ITPR1: variants seen among roughly 807,000 people sequenced by gnomAD.
ITPR1 encodes inositol 1,4,5-trisphosphate receptor type 1, also known as inositol 1,4,5-trisphosphate-gated calcium channel ITPR1.
Under a neutral mutation model 318.4 loss-of-function variants are expected in ITPR1, and 96 were observed. The ratio of observed to expected loss-of-function variants is 0.30; its 90% CI spans 0.26 to 0.36. The LOEUF is 0.36. Among genes scored for constraint, ITPR1 ranks in the 10% least tolerant of loss-of-function variants. The pLI is 1.00. For synonymous variants in ITPR1, 1,312 were observed against 1,289.9 expected (o/e 1.02, Z -0.37); for missense variants, 2,440 against 3,460.2 (o/e 0.71, Z 7.40).
chr3:4,712,009 CT>C, intron 39 of ITPR1, 141 bp downstream of exon 39: 1 of 522,188 alleles, frequency 1.9e-6, no homozygotes, highest in East Asian at 3.0e-5. Flanking sequence ...AAAGAAAAAG[CT>C]GTTTATCCTG....
intron 44 of ITPR1, among the ~76,000 whole-genome samples, chr3:4,754,393 A>C (rs995685447): frequency 1.3e-5 from 2 of 152,214 alleles, no homozygotes; most frequent in Non-Finnish European, 2.9e-5. Flanking sequence ...TTCAGGGTTC[A>C]TGAGACAAGG....
chr3:4,836,733 GTC>G (rs2050948165), intron 60 of ITPR1, 39 bp from the exon 61 acceptor site: 2 of 1,265,070 alleles, frequency 1.6e-6, no homozygotes, highest in Non-Finnish European at 1.0e-6. Flanking sequence ...AAGTGACTCA[GTC>G]TTTTTTTTTT....
At chr3:4,676,932 C>A in intron 24 of ITPR1, 131 bp downstream of exon 24, 1 of 652,722 alleles carries the variant, frequency 1.5e-6, no homozygotes, top group Non-Finnish European at 2.6e-6. Flanking sequence ...CTCATCCCTC[C>A]GTGTCATTTA....
chr3:4,708,314 G>A (rs766836870), intron 37 of ITPR1, among the ~76,000 whole-genome samples: 2 of 152,060 alleles, frequency 1.3e-5, no homozygotes, highest in Non-Finnish European at 1.5e-5. Flanking sequence ...GTATTAGATG[G>A]GTGTTAAACA....
At chr3:4,626,197 T>C (rs2092823190) in intron 4 of ITPR1, among the ~76,000 whole-genome samples, 1 of 151,990 alleles carries the variant, frequency 6.6e-6, no homozygotes, top group African/African-American at 2.4e-5. Context: ...TGTGTGTGTG[T>C]GTGTGTGTGT....
chr3:4,585,086 C>T (rs140507317), intron 4 of ITPR1, among the ~76,000 whole-genome samples: 626 of 152,290 alleles, frequency 4.1e-3, no homozygotes, highest in Middle Eastern at 0.014. Context: ...CGGCTGTTCC[C>T]TGCCCGGGCA....
At chr3:4,596,185 G>T (rs2090799772) in intron 4 of ITPR1, 1 of 152,108 alleles carries the variant, frequency 6.6e-6, no homozygotes, top group Non-Finnish European at 1.5e-5. Context: ...TATACTTCAG[G>T]TAAGTTTCTA....
At chr3:4,511,598 C>A (rs997203703) in intron 2 of ITPR1, among the ~76,000 whole-genome samples, 3 of 152,154 alleles carry the variant, frequency 2.0e-5, no homozygotes, top group Non-Finnish European at 2.9e-5. Context: ...TTATAAATAC[C>A]GTCTTGCTGA....
Position 4,762,876 on chromosome 3 carries a change from G to C in ITPR1, c.5545-3654G>C, listed in dbSNP as rs191205300. ...GGAACATAAATCATTCTATTATAAA[G>C]TTACATGCATGCATATGTTTATTGC... is the stretch of plus-strand genomic sequence containing the variant. On this transcript the variant is annotated intron_variant, in intron 44 of 61. Coordinates refer to ENST00000649015, the MANE Select transcript of ITPR1 (RefSeq NM_001378452.1). Among the ~76,000 whole-genome samples the C allele has an allele frequency of 2.1e-3, 318 of 152,288 alleles. 1 individual carries two copies. The highest frequency in any genetic ancestry group is 3.4e-3 in the Non-Finnish European group (231 of 68,024).
intron 3 of ITPR1, among the ~76,000 whole-genome samples, chr3:4,517,747 G>C (rs1279757047): frequency 6.6e-6 from 1 of 152,070 alleles, no homozygotes; most frequent in African/African-American, 2.4e-5. Flanking sequence ...GTGGCTTTTG[G>C]CAAAGAGGCC....
At chr3:4,551,051 C>T (rs1264414660) in intron 4 of ITPR1, among the ~76,000 whole-genome samples, 2 of 152,166 alleles carry the variant, frequency 1.3e-5, no homozygotes, top group Non-Finnish European at 2.9e-5. Context: ...CCCCACAGAG[C>T]AGATGTAGCT....
chr3:4,806,233 G>C lies in ITPR1; in HGVS notation c.7238G>C (p.Gly2413Ala). Reference protein sequence around the residue: ...HLLYLVICAMGLFVHEFFYSL... With the variant: ...HLLYLVICAMALFVHEFFYSL... ...TTGTATCTGGTGATCTGTGCCATGG[G>C]GCTCTTTGTCCATGAATTCTTCTAC... Residue 2413 changes from glycine to alanine, a missense_variant, in exon 55 of 62, where the codon GGG becomes GCG. This residue lies in a region of ITPR1 where 126 missense variants were observed against 150.8 expected (regional missense o/e 0.84). Transcript: ENST00000649015. 1 of 1,613,960 alleles carries C rather than the reference G, an allele frequency of 6.2e-7. No homozygotes were observed. Among genetic ancestry groups the C allele is most frequent in the Non-Finnish European group, 8.5e-7 (1 of 1,179,870 alleles).
intron 4 of ITPR1, among the ~76,000 whole-genome samples, chr3:4,595,336 CGAGA>C (rs958270749): frequency 2.6e-5 from 4 of 151,956 alleles, no homozygotes; most frequent in African/African-American, 9.7e-5. Context: ...AGAGTGGGAG[CGAGA>C]GAGAGAGTGG....
At chr3:4,662,515 C>G (rs1285369782) in intron 15 of ITPR1, among the ~76,000 whole-genome samples, 2 of 152,060 alleles carry the variant, frequency 1.3e-5, no homozygotes, top group East Asian at 3.9e-4. Flanking sequence ...TTGAGGTCAG[C>G]AGTTCGAGAC....
intron 40 of ITPR1, chr3:4,724,326 T>C (rs1206459998): frequency 6.6e-6 from 1 of 152,242 alleles, no homozygotes; most frequent in Non-Finnish European, 1.5e-5. Flanking sequence ...AGCAGCCCTA[T>C]ATTAAGAGGC....
chr3:4,766,818 A>C (rs2045847510), intron 45 of ITPR1, 108 bp downstream of exon 45: 1 of 854,266 alleles, frequency 1.2e-6, no homozygotes, highest in Admixed American at 3.3e-5. Context: ...TTATGATGGG[A>C]GCTTTCAGAA....
chr3:4,549,390 G>C (rs890873302), intron 4 of ITPR1, among the ~76,000 whole-genome samples: 1 of 152,140 alleles, frequency 6.6e-6, no homozygotes, highest in Non-Finnish European at 1.5e-5. Context: ...GAACTTCTAA[G>C]CTTCTAAAAT....
chr3:4,605,934 G>C (rs2091672688), intron 4 of ITPR1, among the ~76,000 whole-genome samples: 1 of 152,126 alleles, frequency 6.6e-6, no homozygotes, highest in Admixed American at 6.5e-5. Flanking sequence ...ACAGGAAAGA[G>C]AGAAGGGATC....
At chr3:4,556,725 T>G (rs2086169197) in intron 4 of ITPR1, among the ~76,000 whole-genome samples, 1 of 152,174 alleles carries the variant, frequency 6.6e-6, no homozygotes. Context: ...CTGAAAGATA[T>G]GTTGGTTGCT....
Sources: gnomAD v4.1 joint callset for allele counts (sites outside exome capture counted in the v4.1 genomes callset) on GRCh38, gnomAD v4.1.1 for gene constraint, gnomAD v4.1.1 regional missense constraint, MANE v1.5 for transcripts, NCBI Gene and HGNC (gene_info 2026-07-23, HGNC 2026-07-21) for gene names.